The following SETX variants were observed in gnomAD, a reference collection of about 807,000 sequenced individuals.
SETX encodes senataxin.
SETX carries 90 observed loss-of-function variants against 227.2 expected under a neutral mutation model. The ratio of observed to expected loss-of-function variants is 0.40; its 90% CI spans 0.33 to 0.47. SETX has a LOEUF of 0.47. Ranked by LOEUF, SETX falls within the 20% of genes least tolerant of loss-of-function variation. The probability of loss-of-function intolerance (pLI) is 0.91; values close to 1 mark genes in which losing one functional copy is unlikely to be tolerated. For synonymous variants in SETX, 1,210 were observed against 1,113.2 expected, an observed-to-expected ratio of 1.09 and a Z score of -1.73; for missense variants, 3,052 against 3,181.5, an observed-to-expected ratio of 0.96 and a Z score of 0.98.
chr9:132,339,344 C>T (rs936380523), intron 5 of SETX, among the ~76,000 whole-genome samples: 4 of 151,824 alleles, frequency 2.6e-5, no homozygotes, highest in South Asian at 2.1e-4. Context: ...GCATGGTGAC[C>T]GAGGAAGGAG....
chr9:132,317,363 C>T (rs1385696482), intron 10 of SETX, among the ~76,000 whole-genome samples: 1 of 152,180 alleles, frequency 6.6e-6, no homozygotes, highest in Non-Finnish European at 1.5e-5. Context: ...TATTTCATTG[C>T]TCCATTTTTG....
chr9:132,354,347 T>C (rs762375844), intron 1 of SETX, among the ~76,000 whole-genome samples: 1 of 151,804 alleles, frequency 6.6e-6, no homozygotes, highest in Non-Finnish European at 1.5e-5. Flanking sequence ...TTGTTTTTAA[T>C]TAGCCGGGCG....
At chr9:132,280,709 T>C (rs932824413) in intron 20 of SETX, among the ~76,000 whole-genome samples, 4 of 152,206 alleles carry the variant, frequency 2.6e-5, no homozygotes, top group African/African-American at 9.7e-5. Context: ...ATTATCTGTA[T>C]AAATAATCTA....
chr9:132,328,930 G>A lies in SETX; in HGVS notation c.2668C>T (p.His890Tyr), dbSNP rs746696757. 2.2e-5 allele frequency: 36 copies of A among 1,612,660 alleles called. No individual in the cohort carries two copies. Among genetic ancestry groups the A allele is most frequent in the Non-Finnish European group, 3.0e-5 (35 of 1,179,668 alleles). Residue 890 changes from histidine to tyrosine, a missense_variant, in exon 10 of 26, where the codon CAT becomes TAT. Coordinates refer to ENST00000224140, the MANE Select transcript of SETX (RefSeq NM_015046.7). ...HENNCKIQEFHVDGKELIPFT... is the reference protein window; with the variant it reads ...HENNCKIQEFYVDGKELIPFT... ...GGGATCAATTCTTTACCATCAACATGAAATTCCTGTATTTTACAATTGTTT... is the reference window on the plus strand; with the variant it reads ...GGGATCAATTCTTTACCATCAACATAAAATTCCTGTATTTTACAATTGTTT...
Position 132,278,067 on chromosome 9 carries a change from C to A in SETX, c.6842+3G>T, listed in dbSNP as rs1843268894. ...AAGGTCACAAACAATAAGGGGAACT[C>A]ACCTATTTGTTTTTAAGTTTCTGTT... On this transcript the variant is annotated splice_donor_region_variant and intron_variant, in intron 21 of 25. Coordinates refer to ENST00000224140, the MANE Select transcript of SETX (RefSeq NM_015046.7). 2 of 1,612,950 alleles carry A rather than the reference C, an allele frequency of 1.2e-6. No individual in the cohort carries two copies. Among genetic ancestry groups the A allele is most frequent in the Non-Finnish European group, 1.7e-6 (2 of 1,179,178 alleles).
rs1308827803 is a variant in SETX, at chr9:132,271,410, C to CA, written c.7199+299dup. ...AAAACACTGTCTCTACAGAAAAATA[C>CA]AAAAATTAGCTGGGCGTGGTAGCAC... is the stretch of plus-strand genomic sequence containing the variant. On this transcript the variant is annotated intron_variant, in intron 24 of 25. Coordinates refer to ENST00000224140, the MANE Select transcript of SETX (RefSeq NM_015046.7). 2.0e-5 allele frequency among the ~76,000 whole-genome samples: 3 copies of CA among 152,094 alleles called. No individual in the cohort carries two copies. In the East Asian group the frequency reaches 5.8e-4, roughly 29 times the overall value.
chr9:132,329,144 A>T lies in SETX; in HGVS notation c.2454T>A (p.Ser818=), dbSNP rs1374132528. ...TCCTTGAATAGAAACTCTCAATGTT[A>T]GATACAGTCAAATTTTCATCTAAAT... ...TINLDENLTV[S]NIESFYSRKD... The change falls in exon 10 of 26, where the codon TCT becomes TCA. Residue 818 remains serine (S), a synonymous_variant. Transcript: ENST00000224140. The T allele has an allele frequency of 1.2e-6, 2 of 1,611,348 alleles. No homozygotes were observed. The highest frequency in any genetic ancestry group is 1.7e-6 in the Non-Finnish European group (2 of 1,179,668).
chr9:132,277,337 C>A (rs1843218809), intron 21 of SETX, among the ~76,000 whole-genome samples, 185 bp from the exon 22 acceptor site: 2 of 152,082 alleles, frequency 1.3e-5, no homozygotes, highest in Admixed American at 6.5e-5. Flanking sequence ...TTTCCTGGTG[C>A]TGGGAGAGGT....
chr9:132,264,609 A>C lies in SETX; in HGVS notation c.7664T>G (p.Leu2555Arg). ...GGGGCTCGAGGGTTGTGGATCCCAA[A>C]GGAATATTCCTCCTTTGACCTCAAT... Reference protein sequence around the residue: ...MGIEVKGGIFLWDPQPSSPQH... With the variant: ...MGIEVKGGIFRWDPQPSSPQH... Residue 2555 changes from leucine to arginine, a missense_variant, in exon 26 of 26, where the codon CTT becomes CGT. Leu to Arg is a moderately radical substitution (Grantham distance 102). Transcript: ENST00000224140. 1 of 1,614,200 alleles carries C rather than the reference A, an allele frequency of 6.2e-7. No homozygotes were observed. The highest frequency in any genetic ancestry group is 8.5e-7 in the Non-Finnish European group (1 of 1,180,040).
At chr9:132,287,087 C>T (rs1257176556) in intron 17 of SETX, among the ~76,000 whole-genome samples, 1 of 152,206 alleles carries the variant, frequency 6.6e-6, no homozygotes, top group Non-Finnish European at 1.5e-5. Flanking sequence ...CATACTGAAG[C>T]TAATTCCCTT....
At position 132,336,381 on chromosome 9, in the gene SETX, A is replaced by G. The variant is rs760269471; in HGVS notation, c.633T>C (p.Tyr211=). The G allele has an allele frequency of 6.2e-7, 1 of 1,614,132 alleles. No individual in the cohort carries two copies. Among genetic ancestry groups the G allele is most frequent in the Non-Finnish European group, 8.5e-7 (1 of 1,179,962 alleles). The change falls in exon 6 of 26, where the codon TAT becomes TAC. Residue 211 remains tyrosine (Y), a synonymous_variant. Transcript: ENST00000224140. ...TACCCTTCTCTAGGACAGAAGAAGT[A>G]TAAATGTCTGGACTCTCTAAAAGCC... The part of the protein sequence containing the change: ...ELGLLESPDI[Y]TSSVLEKGKL...
rs552852143 is a variant in SETX, at chr9:132,314,244, C to A, written c.5275-2388G>T. 5.9e-5 allele frequency among the ~76,000 whole-genome samples: 9 copies of A among 152,332 alleles called. No individual in the cohort carries two copies. The South Asian group carries it at 1.9e-3, about 32-fold the overall frequency. ...AGTAGCTGGGATTACAGGCGCCCAC[C>A]ACCACGCCTGGCTAATTTTGTATTT... On this transcript the variant is annotated intron_variant, in intron 10 of 25. Transcript: ENST00000224140.
intron 5 of SETX, 66 bp from the exon 6 acceptor site, chr9:132,336,581 A>G (rs1847634571): frequency 9.1e-7 from 1 of 1,096,018 alleles, no homozygotes; most frequent in Non-Finnish European, 1.4e-6. Context: ...AAGAACACAG[A>G]AAAGAAAACA....
intron 5 of SETX, among the ~76,000 whole-genome samples, chr9:132,339,078 A>G (rs1005995206): frequency 6.6e-6 from 1 of 152,146 alleles, no homozygotes; most frequent in African/African-American, 2.4e-5. Context: ...CCCAATTTTT[A>G]ACTAGTATTT....
chr9:132,279,281 G>A (rs1186385672), intron 20 of SETX, among the ~76,000 whole-genome samples: 1 of 152,092 alleles, frequency 6.6e-6, no homozygotes, highest in East Asian at 1.9e-4. Context: ...AAGGGGAGGG[G>A]GAGGGATAGC....
chr9:132,335,357 C>T (rs1434137600), intron 6 of SETX, among the ~76,000 whole-genome samples: 5 of 114,304 alleles, frequency 4.4e-5, no homozygotes, highest in Admixed American at 1.3e-4. Flanking sequence ...CGCGACTGCA[C>T]TCCAGCCTGG....
intron 10 of SETX, among the ~76,000 whole-genome samples, chr9:132,326,091 A>G (rs1846732152): frequency 6.6e-6 from 1 of 151,894 alleles, no homozygotes. Flanking sequence ...CTTTTGAGAC[A>G]GAGTCTCACT....
In SETX at chr9:132,328,965, G is replaced by A. The variant is rs1320612370; in HGVS notation, c.2633C>T (p.Ser878Phe). ...QLKNEELVIF[S>F]FHENNCKIQE... ...TATTTTACAATTGTTTTCATGGAAAGAGAAAATAACTAATTCTTCATTCTT... is the reference window on the plus strand; with the variant it reads ...TATTTTACAATTGTTTTCATGGAAAAAGAAAATAACTAATTCTTCATTCTT... The change falls in exon 10 of 26, where the codon TCT becomes TTT. Residue 878 changes from serine (S) to phenylalanine (F), a missense_variant. By Grantham distance (155) the Ser-to-Phe change is radical. Transcript: ENST00000224140. The A allele has an allele frequency of 6.2e-7, 1 of 1,608,480 alleles. No individual in the cohort carries two copies. The highest frequency in any genetic ancestry group is 2.2e-5 in the East Asian group (1 of 44,852).
intron 23 of SETX, among the ~76,000 whole-genome samples, chr9:132,274,004 G>A (rs1843026383): frequency 6.6e-6 from 1 of 150,686 alleles, no homozygotes; most frequent in Non-Finnish European, 1.5e-5. Flanking sequence ...AGCATTTTGG[G>A]TTCCGTGCAA....
Sources: allele counts gnomAD v4.1 joint callset (sites outside exome capture counted in the v4.1 genomes callset), GRCh38; gene constraint gnomAD v4.1.1; transcripts MANE v1.5; gene names NCBI Gene and HGNC (gene_info 2026-07-23, HGNC 2026-07-21).